Variants in PCDHA3 observed in about 807,000 individuals in gnomAD.
PCDHA3 encodes protocadherin alpha-3.
Under a neutral mutation model 62.2 loss-of-function variants are expected in PCDHA3, and 41 were observed. That is an observed-to-expected ratio of 0.66 (90% CI 0.51 to 0.86). The LOEUF is 0.86. Among genes scored for constraint, PCDHA3 ranks in the 40% least tolerant of loss-of-function variants. The pLI is 0.00. For synonymous variants in PCDHA3, 640 were observed against 555.4 expected (o/e 1.15, Z -2.14); for missense variants, 1,304 against 1,241.2 (o/e 1.05, Z -0.76).
intron 1 of PCDHA3, among the ~76,000 whole-genome samples, chr5:140,920,489 A>G (rs1323711960): frequency 2.6e-5 from 4 of 152,182 alleles, no homozygotes; most frequent in African/African-American, 9.7e-5. Flanking sequence ...TGGTCCAACA[A>G]TAGAGTTCTA....
chr5:140,822,325 A>G (rs1767274274), intron 1 of PCDHA3: 1 of 1,614,194 alleles, frequency 6.2e-7, no homozygotes, highest in Non-Finnish European at 8.5e-7. Flanking sequence ...TGTTAAAACA[A>G]ATGAAGAAGA....
intron 1 of PCDHA3, chr5:140,928,071 C>CTACTACAGCCTGCTG: frequency 6.2e-7 from 1 of 1,614,220 alleles, no homozygotes; most frequent in South Asian, 1.1e-5. Context: ...CCTTTGACAA[C>CTACTACAGCCTGCTG]TACTACAGCC....
chr5:140,928,251 C>T (rs267600404), intron 1 of PCDHA3: 5 of 1,614,204 alleles, frequency 3.1e-6, no homozygotes, highest in Non-Finnish European at 3.4e-6. Flanking sequence ...AGGAACTTTT[C>T]GTTGCTGAAA....
chr5:140,920,612 G>A (rs1389841013), intron 1 of PCDHA3, among the ~76,000 whole-genome samples: 3 of 152,092 alleles, frequency 2.0e-5, no homozygotes, highest in Non-Finnish European at 2.9e-5. Flanking sequence ...TTGGGAGGCC[G>A]AGGCGGATGG....
At chr5:140,848,956 T>C in intron 1 of PCDHA3, 2 of 1,606,732 alleles carry the variant, frequency 1.2e-6, no homozygotes, top group Non-Finnish European at 1.7e-6. Flanking sequence ...CGGTTTCCAC[T>C]AGAGGGCGCG....
intron 3 of PCDHA3, among the ~76,000 whole-genome samples, chr5:141,004,011 CT>C (rs1220756747): frequency 2.6e-4 from 40 of 152,200 alleles, no homozygotes; most frequent in African/African-American, 9.4e-4. Context: ...GGAGGCAGCA[CT>C]GAAAGAAGAA....
At chr5:140,875,685 C>G (rs563250653) in intron 1 of PCDHA3, 1 of 1,613,816 alleles carries the variant, frequency 6.2e-7, no homozygotes. Context: ...CCAAAAGACA[C>G]GGGGACCTTC....
At chr5:140,854,871 T>A (rs2043250879) in intron 1 of PCDHA3, among the ~76,000 whole-genome samples, 2 of 149,910 alleles carry the variant, frequency 1.3e-5, no homozygotes, top group South Asian at 4.2e-4. Context: ...ATTTCAGAAC[T>A]GTGTCTTTTG....
intron 1 of PCDHA3, among the ~76,000 whole-genome samples, chr5:140,969,768 T>G (rs1250957386): frequency 1.3e-5 from 2 of 152,198 alleles, no homozygotes; most frequent in Admixed American, 1.3e-4. Context: ...CTCTGAGGCC[T>G]CTAGGGGCTA....
chr5:140,856,505 C>T (rs2150359235), intron 1 of PCDHA3: 1 of 1,598,456 alleles, frequency 6.3e-7, no homozygotes, highest in East Asian at 2.2e-5. Context: ...TCGATTTCCA[C>T]TAGAAGGCGC....
chr5:140,986,572 G>T (rs1587171327), intron 3 of PCDHA3, among the ~76,000 whole-genome samples: 1 of 152,268 alleles, frequency 6.6e-6, no homozygotes, highest in East Asian at 1.9e-4. Context: ...TCTGTTATTG[G>T]TTTTTCCAGC....
At position 140,978,994 on chromosome 5, in the gene PCDHA3, GCAGGCATGCA is replaced by G; in HGVS notation, c.2445_2453+1del. 3 of 1,614,152 alleles carry G rather than the reference GCAGGCATGCA, an allele frequency of 1.9e-6. No homozygotes were observed. The highest frequency in any genetic ancestry group is 8.5e-7 in the Non-Finnish European group (1 of 1,180,022). ...CTGGCGTTACTCTGCCTCCCTGAGA[GCAGGCATGCA>G]CAGGTATGTATTTCCCTCCTCATTC... On this transcript the variant is annotated frameshift_variant, in exon 2 of 4. Transcript: ENST00000522353. LOFTEE classifies it high-confidence loss of function.
intron 2 of PCDHA3, among the ~76,000 whole-genome samples, chr5:140,979,418 T>A (rs895579689): frequency 3.3e-5 from 5 of 152,178 alleles, no homozygotes; most frequent in South Asian, 2.1e-4. Flanking sequence ...GTTTTTTTTT[T>A]AATCTCACAT....
At chr5:140,884,122 G>T (rs1212118784) in intron 1 of PCDHA3, 1 of 1,613,188 alleles carries the variant, frequency 6.2e-7, no homozygotes, top group Non-Finnish European at 8.5e-7. Context: ...CGGTCGGCGC[G>T]CGCATCCCGT....
At chr5:140,909,624 G>A (rs2074611325) in intron 1 of PCDHA3, among the ~76,000 whole-genome samples, 1 of 152,092 alleles carries the variant, frequency 6.6e-6, no homozygotes, top group African/African-American at 2.4e-5. Context: ...GCTCTAATTG[G>A]TCTTCCTATT....
chr5:141,007,472 G>A (rs2098331789), intron 3 of PCDHA3, among the ~76,000 whole-genome samples: 1 of 151,844 alleles, frequency 6.6e-6, no homozygotes, highest in Non-Finnish European at 1.5e-5. Context: ...GGAGGCTGAG[G>A]CACGAGAATT....
rs192014288 is a variant in PCDHA3, at chr5:140,938,120, T to A, written c.2395-40829T>A. Among the ~76,000 whole-genome samples the A allele has an allele frequency of 2.0e-3, 311 of 152,258 alleles. 6 individuals are homozygous for A. In the East Asian group the frequency reaches 0.05, roughly 25 times the overall value. ...GTATTTTTTACTTTCTCTCTTTTTT[T>A]AAAAAAATAGAGATAGAGTCTCACT... On this transcript the variant is annotated intron_variant, in intron 1 of 3. Transcript: ENST00000522353.
chr5:140,908,795 A>C (rs2074156138), intron 1 of PCDHA3, among the ~76,000 whole-genome samples: 1 of 152,202 alleles, frequency 6.6e-6, no homozygotes, highest in South Asian at 2.1e-4. Context: ...TCTGTACTAC[A>C]TTAAAAAGTG....
At chr5:140,875,941 G>A in intron 1 of PCDHA3, 3 of 1,614,160 alleles carry the variant, frequency 1.9e-6, no homozygotes, top group East Asian at 4.5e-5. Context: ...TCTAGAGGGC[G>A]CTTCTGATGC....
Sources: allele counts gnomAD v4.1 joint callset (sites outside exome capture counted in the v4.1 genomes callset), GRCh38; gene constraint gnomAD v4.1.1; transcripts MANE v1.5; gene names NCBI Gene and HGNC (gene_info 2026-07-23, HGNC 2026-07-21).